The following CORO2A variants were observed in gnomAD, a reference collection of about 807,000 sequenced individuals.
The protein encoded by CORO2A is coronin 2A, also known as coronin-2A.
A neutral mutation model predicts 62.4 loss-of-function variants in CORO2A; 47 were observed. That is an observed-to-expected ratio of 0.75 (90% CI 0.60 to 0.96). The LOEUF (loss-of-function observed/expected upper bound fraction) is 0.96. CORO2A is among the 40% of genes least tolerant of loss of function. The pLI is 0.00. For missense variants in CORO2A, 610 were observed against 684.1 expected (o/e 0.89, Z 1.21); for synonymous variants, 273 against 268.9 (o/e 1.02, Z -0.15).
chr9:98,132,715 A>G (rs1413885911), intron 5 of CORO2A, among the ~76,000 whole-genome samples: 1 of 152,208 alleles, frequency 6.6e-6, no homozygotes, highest in Non-Finnish European at 1.5e-5. Context: ...CACAGTGGCT[A>G]AACAGTGGTA....
intron 2 of CORO2A, among the ~76,000 whole-genome samples, chr9:98,141,183 T>C (rs1827560475): frequency 6.6e-6 from 1 of 150,912 alleles, no homozygotes; most frequent in African/African-American, 2.4e-5. Context: ...TGGAGGGAGG[T>C]GAAAATTTTC....
chr9:98,128,648 T>G lies in CORO2A; in HGVS notation c.1039A>C (p.Lys347Gln). 1 of 1,614,204 alleles carries G rather than the reference T, an allele frequency of 6.2e-7. No homozygotes were observed. Residue 347 changes from lysine (K) to glutamine (Q), a missense_variant, in exon 9 of 12, where the codon AAA becomes CAA. Lys to Gln is a moderately conservative substitution (Grantham distance 53). Coordinates refer to ENST00000375077, the MANE Select transcript of CORO2A (RefSeq NM_052820.4). ...ATGGAGATGGGCTCGATGAGGCTTT[T>G]GGTTGTGATCAGCTTGTAGAAGCGG... ...IFRFYKLITT[K>Q]SLIEPISMIV...
intron 3 of CORO2A, among the ~76,000 whole-genome samples, chr9:98,135,200 C>T (rs78444735): frequency 0.024 from 3,602 of 152,288 alleles, 146 homozygotes; most frequent in African/African-American, 0.081. Flanking sequence ...AGGGATGAGT[C>T]TAGGCCTCCA....
rs148237089 is a variant in CORO2A at position 98,185,771 on chromosome 9, C to T, written c.-1+6788G>A. 9.8e-3 allele frequency among the ~76,000 whole-genome samples: 1,497 copies of T among 152,314 alleles called. 53 individuals are homozygous for T. The highest frequency in any genetic ancestry group is 0.065 in the Admixed American group (998 of 15,306). The stretch of plus-strand genomic sequence containing the variant: ...TCTTACTTCATCCTGTGGCTGGGGC[C>T]GTTATGATGCCATTTTGCAGGTGGG... On this transcript the variant is annotated intron_variant, in intron 1 of 11. Coordinates refer to ENST00000375077, the MANE Select transcript of CORO2A (RefSeq NM_052820.4).
intron 1 of CORO2A, among the ~76,000 whole-genome samples, chr9:98,164,775 T>A (rs1827936148): frequency 6.6e-6 from 1 of 152,088 alleles, no homozygotes; most frequent in Non-Finnish European, 1.5e-5. Context: ...TTTTCCTCCC[T>A]CCTTCAAAGC....
chr9:98,146,066 C>T (rs914540732), intron 2 of CORO2A, among the ~76,000 whole-genome samples: 4 of 152,200 alleles, frequency 2.6e-5, no homozygotes, highest in African/African-American at 7.2e-5. Context: ...TCCCAGGCAC[C>T]TGAAAGCCAC....
At chr9:98,185,928 CA>C (rs1220948154) in intron 1 of CORO2A, among the ~76,000 whole-genome samples, 1 of 152,188 alleles carries the variant, frequency 6.6e-6, no homozygotes, top group African/African-American at 2.4e-5. Flanking sequence ...AGTCAGAGTA[CA>C]GGAGACAACT....
chr9:98,162,137 C>T (rs1044126702), intron 1 of CORO2A, among the ~76,000 whole-genome samples: 3 of 152,298 alleles, frequency 2.0e-5, no homozygotes, highest in African/African-American at 7.2e-5. Context: ...GGCCAGTAAC[C>T]GGGTCACACA....
At position 98,134,794 on chromosome 9, in the gene CORO2A, A is replaced by G; in HGVS notation, c.468+12T>C. 2 of 1,598,656 alleles carry G rather than the reference A, an allele frequency of 1.3e-6. No homozygotes were observed. The highest frequency in any genetic ancestry group is 1.7e-6 in the Non-Finnish European group (2 of 1,170,716). On this transcript the variant is annotated intron_variant, in intron 4 of 11. Coordinates refer to ENST00000375077, the MANE Select transcript of CORO2A (RefSeq NM_052820.4). The stretch of plus-strand genomic sequence containing the variant: ...GTTGGGGCTGCCCCAGAGAAAGAAT[A>G]CCCAGACTCACCTTGTAGTCATAGC...
chr9:98,140,722 G>T (rs1341914880), intron 2 of CORO2A, among the ~76,000 whole-genome samples: 2 of 152,106 alleles, frequency 1.3e-5, no homozygotes, highest in South Asian at 2.1e-4. Flanking sequence ...GGGATTACAG[G>T]CATGGGCCAC....
intron 1 of CORO2A, among the ~76,000 whole-genome samples, chr9:98,186,281 CG>C (rs1157096650): frequency 6.9e-6 from 1 of 145,162 alleles, no homozygotes; most frequent in African/African-American, 2.5e-5. Flanking sequence ...GGGTGGCTGG[CG>C]GGGGGAGGGG....
intron 1 of CORO2A, among the ~76,000 whole-genome samples, chr9:98,183,341 A>C (rs750304084): frequency 2.2e-4 from 33 of 152,112 alleles, no homozygotes; most frequent in Non-Finnish European, 4.3e-4. Context: ...AGAAACCCCC[A>C]CAGACATCTC....
In CORO2A at chr9:98,121,799, G is replaced by C. The variant is rs540802589; in HGVS notation, c.*2975C>G. The C allele has an allele frequency of 6.6e-6, 1 of 152,356 alleles. No homozygotes were observed. Among genetic ancestry groups the C allele is most frequent in the South Asian group, 2.1e-4 (1 of 4,828 alleles). 9.4% of individuals were successfully genotyped at this position (152,356 alleles called of 1,614,324 possible). ...AGCATGTGTCACTGAGTGGAGGTGG[G>C]AGGAATTTGTAAACTGTGAAGTGCT... On this transcript the variant is annotated 3_prime_UTR_variant, in exon 12 of 12. Transcript: ENST00000375077.
intron 2 of CORO2A, among the ~76,000 whole-genome samples, chr9:98,149,304 G>T (rs1052140107): frequency 1.3e-5 from 2 of 152,220 alleles, no homozygotes; most frequent in Non-Finnish European, 2.9e-5. Flanking sequence ...CTGGGAGCTT[G>T]TTGGAGATGC....
intron 2 of CORO2A, among the ~76,000 whole-genome samples, chr9:98,149,048 C>T (rs1564207246): frequency 6.6e-6 from 1 of 152,100 alleles, no homozygotes; most frequent in Non-Finnish European, 1.5e-5. Context: ...TGTATCTTGA[C>T]TGTAGTGATG....
At position 98,178,034 on chromosome 9, in the gene CORO2A, T is replaced by A. The variant is rs1276322977; in HGVS notation, c.-1+14525A>T. ...TAATTCTCTCACTTTTTTTCTTTTT[T>A]AAATTTATTTTTATTAAAAACATTT... is the stretch of plus-strand genomic sequence containing the variant. On this transcript the variant is annotated intron_variant, in intron 1 of 11. Coordinates refer to ENST00000375077, the MANE Select transcript of CORO2A (RefSeq NM_052820.4). Among the ~76,000 whole-genome samples the A allele has an allele frequency of 3.9e-5, 6 of 152,292 alleles. No individual in the cohort carries two copies. In the East Asian group the frequency reaches 9.7e-4, roughly 25 times the overall value.
chr9:98,144,156 T>C (rs1827610825), intron 2 of CORO2A, among the ~76,000 whole-genome samples: 2 of 145,622 alleles, frequency 1.4e-5, no homozygotes, highest in African/African-American at 2.6e-5. Flanking sequence ...GCCACTACAC[T>C]CCAGCCTGGG....
chr9:98,126,629 G>A lies in CORO2A; in HGVS notation c.1366C>T (p.His456Tyr). 2 of 1,614,064 alleles carry A rather than the reference G, an allele frequency of 1.2e-6. No homozygotes were observed. Among genetic ancestry groups the A allele is most frequent in the South Asian group, 2.2e-5 (2 of 91,080 alleles). The change falls in exon 11 of 12, where the codon CAC becomes TAC. Residue 456 changes from histidine (H) to tyrosine (Y), a missense_variant. Physicochemically the swap from His to Tyr is moderately conservative, Grantham distance 83 (BLOSUM62 2). Coordinates refer to ENST00000375077, the MANE Select transcript of CORO2A (RefSeq NM_052820.4). ...EEKMPRWAAE[H>Y]RLEEKKTWLT... Reference sequence around the variant, plus strand: ...CAGGTTTTCTTCTCCTCCAGCCTGTGTTCTGCTGCCCACCTTGGCATCTTC... The same window carrying A: ...CAGGTTTTCTTCTCCTCCAGCCTGTATTCTGCTGCCCACCTTGGCATCTTC...
chr9:98,160,475 G>C (rs188125117), intron 1 of CORO2A, among the ~76,000 whole-genome samples: 2 of 152,300 alleles, frequency 1.3e-5, no homozygotes, highest in East Asian at 1.9e-4. Context: ...GTGTCTATAA[G>C]ATAAAAGCCA....
Sources: gnomAD v4.1 joint callset for allele counts (sites outside exome capture counted in the v4.1 genomes callset) on GRCh38, gnomAD v4.1.1 for gene constraint, MANE v1.5 for transcripts, NCBI Gene and HGNC (gene_info 2026-07-23, HGNC 2026-07-21) for gene names.